NEK5: variants seen among roughly 807,000 people sequenced by gnomAD.
The protein encoded by NEK5 is NIMA related kinase 5, also known as serine/threonine-protein kinase Nek5.
NEK5 carries 88 observed loss-of-function variants against 109.2 expected under a neutral mutation model. The ratio of observed to expected loss-of-function variants is 0.81; its 90% confidence interval spans 0.68 to 0.96. The LOEUF is 0.96. Ranked by LOEUF, NEK5 falls within the 40% of genes least tolerant of loss-of-function variation. The pLI, the probability that NEK5 is intolerant of heterozygous loss-of-function variation, is 0.00. For synonymous variants in NEK5, 283 were observed against 299.9 expected (o/e 0.94, Z 0.58); for missense variants, 834 against 920.7 (o/e 0.91, Z 1.22).
intron 22 of NEK5, among the ~76,000 whole-genome samples, chr13:52,060,152 G>A (rs1157329206): frequency 2.0e-5 from 3 of 151,918 alleles, no homozygotes; most frequent in African/African-American, 7.3e-5. Flanking sequence ...CTAATTATGA[G>A]TTTATAATCT....
intron 17 of NEK5, among the ~76,000 whole-genome samples, chr13:52,081,600 C>T (rs1955014880): frequency 6.6e-6 from 1 of 152,134 alleles, no homozygotes; most frequent in African/African-American, 2.4e-5. Context: ...TATAAAAAAT[C>T]TAAAAAGTAG....
intron 14 of NEK5, among the ~76,000 whole-genome samples, chr13:52,088,916 C>A (rs1367801135): frequency 2.0e-5 from 3 of 151,926 alleles, no homozygotes; most frequent in South Asian, 4.2e-4. Flanking sequence ...CATGGTGAAA[C>A]CCTGTCTCTA....
intron 23 of NEK5, among the ~76,000 whole-genome samples, chr13:52,041,138 T>C (rs1954409728): frequency 6.6e-6 from 1 of 152,064 alleles, no homozygotes; most frequent in African/African-American, 2.4e-5. Flanking sequence ...AAACTAAAAT[T>C]CTAACACCTG....
Position 52,120,671 on chromosome 13 carries a change from G to A in NEK5, c.118-1256C>T, listed in dbSNP as rs145466210. ...CATGCCTGTAATCCCAGCTCTTTGG[G>A]AAGCCAAGGCAGGCAGATCACTTGA... On this transcript the variant is annotated intron_variant, in intron 3 of 23. Coordinates refer to ENST00000684899, the MANE Select transcript of NEK5 (RefSeq NM_001365552.1). Among the ~76,000 whole-genome samples the A allele has an allele frequency of 3.2e-3, 481 of 152,196 alleles. 3 individuals carry two copies. Among genetic ancestry groups the A allele is most frequent in the African/African-American group, 0.01 (432 of 41,526 alleles).
At position 52,108,405 on chromosome 13, in the gene NEK5, C is replaced by T. The variant is rs1955695292; in HGVS notation, c.468-1G>A. 2 of 1,563,334 alleles carry T rather than the reference C, an allele frequency of 1.3e-6. No homozygotes were observed. Among genetic ancestry groups the T allele is most frequent in the Non-Finnish European group, 1.8e-6 (2 of 1,135,882 alleles). ...ACAAGTTCGAGCAAGTTCCATGGAA[C>T]TAGTAAATTATATTAAATAATAAAT... On this transcript the variant is annotated splice_acceptor_variant, in intron 7 of 23. Transcript: ENST00000684899. LOFTEE classifies it high-confidence loss of function.
intron 23 of NEK5, among the ~76,000 whole-genome samples, chr13:52,039,608 C>A (rs1954396899): frequency 1.3e-5 from 2 of 152,076 alleles, no homozygotes; most frequent in Admixed American, 1.3e-4. Context: ...TTCTCATATT[C>A]TTTTCTTCTG....
chr13:52,034,459 G>C lies in NEK5; in HGVS notation c.*2489C>G, dbSNP rs1247446221. ...ATTACCTAAAATAGACTAGACTTTAGCCAAGCATCTTTTATCATGGGAACA... is the reference window on the plus strand; with the variant it reads ...ATTACCTAAAATAGACTAGACTTTACCCAAGCATCTTTTATCATGGGAACA... On this transcript the variant is annotated 3_prime_UTR_variant, in exon 24 of 24. Transcript: ENST00000684899. The C allele has an allele frequency of 6.7e-6, 1 of 149,976 alleles. No homozygotes were observed. The highest frequency in any genetic ancestry group is 2.0e-4 in the East Asian group (1 of 5,096). 9.3% of individuals were successfully genotyped at this position (149,976 alleles called of 1,614,324 possible). A position where few individuals can be genotyped will look rare whatever the true frequency, so the allele number is the denominator to read the frequency against.
At position 52,071,941 on chromosome 13, in the gene NEK5, T is replaced by C. The variant is rs768780835; in HGVS notation, c.1849+3A>G. On this transcript the variant is annotated splice_donor_region_variant and intron_variant, in intron 20 of 23. Transcript: ENST00000684899. ...TCATTTACAACTTTCAAGAAACACA[T>C]ACCTGCTTCTGGGCAGTGAAGTTTT... The C allele has an allele frequency of 3.7e-6, 6 of 1,613,212 alleles. No individual in the cohort carries two copies. The Admixed American group carries it at 6.7e-5, about 18-fold the overall frequency.
At chr13:52,058,607 A>G (rs1954583633) in intron 22 of NEK5, among the ~76,000 whole-genome samples, 1 of 152,142 alleles carries the variant, frequency 6.6e-6, no homozygotes. Context: ...AAACAGAGAT[A>G]TAGATCAATG....
At chr13:52,092,269 A>G (rs1348274633) in intron 13 of NEK5, among the ~76,000 whole-genome samples, 2 of 152,226 alleles carry the variant, frequency 1.3e-5, no homozygotes, top group South Asian at 2.1e-4. Flanking sequence ...AAATTATAAT[A>G]TACATTACAT....
At chr13:52,110,701 A>C in intron 5 of NEK5, 124 bp from the exon 6 acceptor site, 1 of 557,376 alleles carries the variant, frequency 1.8e-6, no homozygotes, top group Non-Finnish European at 3.2e-6. Flanking sequence ...CATATAGTGT[A>C]TGTGTATTTA....
At chr13:52,071,702 C>A (rs1038002137) in intron 20 of NEK5, among the ~76,000 whole-genome samples, 1 of 152,078 alleles carries the variant, frequency 6.6e-6, no homozygotes, top group African/African-American at 2.4e-5. Context: ...GTCTGGAGCT[C>A]CTGGGAGAAG....
chr13:52,096,064 G>A (rs1955409186), intron 12 of NEK5, among the ~76,000 whole-genome samples: 1 of 152,162 alleles, frequency 6.6e-6, no homozygotes, highest in Non-Finnish European at 1.5e-5. Context: ...CATGTAAGAT[G>A]AGCCTGCCTC....
chr13:52,086,234 C>G, intron 16 of NEK5, 43 bp downstream of exon 16: 1 of 1,246,722 alleles, frequency 8.0e-7, no homozygotes, highest in Non-Finnish European at 1.2e-6. Flanking sequence ...TTAGTTAGCT[C>G]TAAATCGATA....
chr13:52,126,066 G>C (rs1322192043), intron 3 of NEK5, among the ~76,000 whole-genome samples: 1 of 152,056 alleles, frequency 6.6e-6, no homozygotes, highest in Admixed American at 6.6e-5. Context: ...TATTCATATG[G>C]TGTAACTTGG....
intron 3 of NEK5, among the ~76,000 whole-genome samples, chr13:52,124,543 C>T (rs1956029020): frequency 1.3e-5 from 2 of 152,180 alleles, no homozygotes; most frequent in Admixed American, 6.5e-5. Flanking sequence ...AAATTACCTA[C>T]TGTTGGACAT....
At chr13:52,107,457 T>C (rs992449897) in intron 8 of NEK5, among the ~76,000 whole-genome samples, 3 of 152,020 alleles carry the variant, frequency 2.0e-5, no homozygotes, top group Non-Finnish European at 4.4e-5. Flanking sequence ...CTGGGCATGG[T>C]GGCAGCCACC....
At chr13:52,085,873 T>G (rs1001911745) in intron 16 of NEK5, among the ~76,000 whole-genome samples, 1 of 152,126 alleles carries the variant, frequency 6.6e-6, no homozygotes, top group African/African-American at 2.4e-5. Flanking sequence ...CTGCAGAGAG[T>G]TGAAAAAATG....
intron 22 of NEK5, among the ~76,000 whole-genome samples, chr13:52,057,046 G>C (rs554736854): frequency 6.6e-6 from 1 of 152,002 alleles, no homozygotes; most frequent in Admixed American, 6.6e-5. Flanking sequence ...TTGATAAACC[G>C]CTAGCAAGAC....
Sources: allele counts gnomAD v4.1 joint callset (sites outside exome capture counted in the v4.1 genomes callset), GRCh38; gene constraint gnomAD v4.1.1; transcripts MANE v1.5; gene names NCBI Gene and HGNC (gene_info 2026-07-23, HGNC 2026-07-21).